LYPD6B: variants seen among roughly 807,000 people sequenced by gnomAD.
LYPD6B encodes the protein LY6/PLAUR domain containing 6B, also known as ly6/PLAUR domain-containing protein 6B.
A neutral mutation model predicts 22.8 loss-of-function variants in LYPD6B; 17 were observed. That is an observed-to-expected ratio of 0.75 (90% confidence interval 0.51 to 1.12). The LOEUF is 1.12. Among genes scored for constraint, LYPD6B ranks in the 50% most tolerant of loss-of-function variants. The probability of loss-of-function intolerance (pLI) is 0.00; values close to 1 mark genes in which losing one functional copy is unlikely to be tolerated. For synonymous variants in LYPD6B, 106 were observed against 91.6 expected, an observed-to-expected ratio of 1.16 and a Z score of -0.90; for missense variants, 221 against 258.3, an observed-to-expected ratio of 0.86 and a Z score of 0.99.
intron 1 of LYPD6B, among the ~76,000 whole-genome samples, chr2:149,047,901 T>G: frequency 6.6e-6 from 1 of 152,154 alleles, no homozygotes; most frequent in East Asian, 1.9e-4. Flanking sequence ...CTTTGCTGTA[T>G]CAAGTCCACT....
At chr2:149,135,432 A>G (rs1030815760) in intron 2 of LYPD6B, among the ~76,000 whole-genome samples, 1 of 151,742 alleles carries the variant, frequency 6.6e-6, no homozygotes, top group Non-Finnish European at 1.5e-5. Context: ...AGAAATGTGT[A>G]TTTTTGGCCA....
chr2:149,100,886 G>C (rs1364497234), intron 1 of LYPD6B, among the ~76,000 whole-genome samples: 1 of 152,182 alleles, frequency 6.6e-6, no homozygotes, highest in Non-Finnish European at 1.5e-5. Flanking sequence ...TCTGCTTCCT[G>C]TCTGTGCTAA....
chr2:149,160,921 C>T lies in LYPD6B; in HGVS notation c.77+86C>T, dbSNP rs184898246. 431 of 985,352 alleles carry T rather than the reference C, an allele frequency of 4.4e-4. No homozygotes were observed. In the African/African-American group the frequency reaches 5.8e-3, roughly 13 times the overall value. The allele number at this position is 985,352 out of a possible 1,614,324, so 61.0% of individuals were successfully genotyped here. A position where few individuals can be genotyped will look rare whatever the true frequency, so the allele number is the denominator to read the frequency against. On this transcript the variant is annotated intron_variant, in intron 3 of 6. Transcript: ENST00000409642. ...GTTGGGAATGGACTCCTGAAAGTCC[C>T]GGGACCCTGTGTTTTTCCCATCTCC...
At chr2:149,168,676 T>G (rs1690599991) in intron 3 of LYPD6B, among the ~76,000 whole-genome samples, 1 of 152,204 alleles carries the variant, frequency 6.6e-6, no homozygotes, top group South Asian at 2.1e-4. Context: ...AGGTTGTTAT[T>G]CCTGGATGGC....
At chr2:149,091,231 C>A (rs1459131847) in intron 1 of LYPD6B, among the ~76,000 whole-genome samples, 2 of 151,726 alleles carry the variant, frequency 1.3e-5, no homozygotes, top group Non-Finnish European at 2.9e-5. Context: ...GGTTTTGGAT[C>A]TAAGTAAAGG....
At chr2:149,143,461 A>G (rs1490319727) in intron 2 of LYPD6B, among the ~76,000 whole-genome samples, 1 of 150,878 alleles carries the variant, frequency 6.6e-6, no homozygotes, top group African/African-American at 2.4e-5. Context: ...TGTTTTTACT[A>G]TACCGTTTGA....
chr2:149,107,945 G>A (rs893354016), intron 1 of LYPD6B, among the ~76,000 whole-genome samples: 3 of 152,082 alleles, frequency 2.0e-5, no homozygotes, highest in African/African-American at 4.8e-5. Context: ...TGAAAGAGGG[G>A]TATTTACATT....
chr2:149,201,271 G>A (rs1693131883), intron 3 of LYPD6B, among the ~76,000 whole-genome samples: 1 of 152,144 alleles, frequency 6.6e-6, no homozygotes, highest in East Asian at 1.9e-4. Flanking sequence ...GACGCTCATA[G>A]GTCACCTGTC....
At position 149,173,626 on chromosome 2, in the gene LYPD6B, T is replaced by C. The variant is rs891388042; in HGVS notation, c.77+12791T>C. Among the ~76,000 whole-genome samples, 3 of 152,342 alleles carry C rather than the reference T, an allele frequency of 2.0e-5. No individual in the cohort carries two copies. The East Asian group carries it at 5.8e-4, about 29-fold the overall frequency. On this transcript the variant is annotated intron_variant, in intron 3 of 6. Coordinates refer to ENST00000409642, the MANE Select transcript of LYPD6B (RefSeq NM_177964.5). ...CCCTAAGGATAGAATATTCTATTTA[T>C]TGCTTTGCCAAAATCTAGGTTGTGT...
chr2:149,214,427 C>CTAGAAGACAACTAGAAGA, intron 6 of LYPD6B, 119 bp from the exon 7 acceptor site: 1 of 1,044,950 alleles, frequency 9.6e-7, no homozygotes, highest in Non-Finnish European at 1.4e-6. Context: ...AATTGGATAA[C>CTAGAAGACAACTAGAAGA]CAACTCCAAT....
intron 3 of LYPD6B, among the ~76,000 whole-genome samples, chr2:149,168,018 T>A (rs1164116704): frequency 1.3e-5 from 2 of 151,888 alleles, no homozygotes; most frequent in Admixed American, 1.3e-4. Flanking sequence ...AAGACCAGCA[T>A]GGCAAACATG....
chr2:149,045,875 T>G (rs1683283074), intron 1 of LYPD6B, among the ~76,000 whole-genome samples: 1 of 152,158 alleles, frequency 6.6e-6, no homozygotes, highest in Admixed American at 6.5e-5. Flanking sequence ...TATTGATGGG[T>G]GGGATGTTCC....
chr2:149,096,465 A>T (rs113567594), intron 1 of LYPD6B, among the ~76,000 whole-genome samples: 50 of 152,290 alleles, frequency 3.3e-4, no homozygotes, highest in African/African-American at 1.2e-3. Context: ...AATATACCCT[A>T]TGGGTTAAAT....
At chr2:149,113,680 G>C (rs866246952) in intron 1 of LYPD6B, among the ~76,000 whole-genome samples, 1 of 152,088 alleles carries the variant, frequency 6.6e-6, no homozygotes, top group Non-Finnish European at 1.5e-5. Context: ...AATAGATCTA[G>C]AAATTGCTAG....
chr2:149,167,395 A>G (rs1460304204), intron 3 of LYPD6B, among the ~76,000 whole-genome samples: 2 of 152,158 alleles, frequency 1.3e-5, no homozygotes, highest in Admixed American at 6.5e-5. Flanking sequence ...TGCTTGGTCA[A>G]TCAGGACTAC....
chr2:149,142,465 G>T (rs540001219), intron 2 of LYPD6B, among the ~76,000 whole-genome samples: 44 of 152,252 alleles, frequency 2.9e-4, no homozygotes, highest in African/African-American at 1.1e-3. Context: ...CTGATAAGGG[G>T]CCTGGGATAC....
chr2:149,102,733 G>A lies in LYPD6B; in HGVS notation c.-66-28150G>A, dbSNP rs1195658717. On this transcript the variant is annotated intron_variant, in intron 1 of 6. Transcript: ENST00000409642. ...CAACCTCCACCTCCTGGGTTGAAGCGATTCTCCTGTCTCAGCCTCCCAAGT... is the reference window on the plus strand; with the variant it reads ...CAACCTCCACCTCCTGGGTTGAAGCAATTCTCCTGTCTCAGCCTCCCAAGT... Among the ~76,000 whole-genome samples the A allele has an allele frequency of 4.6e-5, 7 of 152,198 alleles. No homozygotes were observed. In the East Asian group the frequency reaches 7.7e-4, roughly 17 times the overall value.
intron 1 of LYPD6B, among the ~76,000 whole-genome samples, chr2:149,061,985 T>G (rs1684103401): frequency 2.0e-5 from 3 of 152,104 alleles, no homozygotes; most frequent in African/African-American, 7.2e-5. Flanking sequence ...TTTTTTTTTT[T>G]TGAGATGGAG....
chr2:149,124,797 A>G (rs1007116925), intron 1 of LYPD6B, among the ~76,000 whole-genome samples: 1 of 152,152 alleles, frequency 6.6e-6, no homozygotes, highest in African/African-American at 2.4e-5. Flanking sequence ...TCTACAAGTT[A>G]GGTTCCAATT....
Sources: gnomAD v4.1 joint callset for allele counts (sites outside exome capture counted in the v4.1 genomes callset) on GRCh38, gnomAD v4.1.1 for gene constraint, MANE v1.5 for transcripts, NCBI Gene and HGNC (gene_info 2026-07-23, HGNC 2026-07-21) for gene names.